Variants in NTRK3 observed in about 807,000 individuals in gnomAD.
NTRK3 encodes NT-3 growth factor receptor.
Under a neutral mutation model 91.7 loss-of-function variants are expected in NTRK3, and 24 were observed. The ratio of observed to expected loss-of-function variants is 0.26; its 90% CI spans 0.19 to 0.37. The LOEUF is 0.37. Ranked by LOEUF, NTRK3 falls within the 10% of genes least tolerant of loss-of-function variation. The pLI is 1.00. For synonymous variants in NTRK3, 483 were observed against 404.0 expected (o/e 1.20, Z -2.34); for missense variants, 880 against 1,068.9 (o/e 0.82, Z 2.46).
At position 88,072,112 on chromosome 15, in the gene NTRK3, TCTC is replaced by T. The variant is rs200758549; in HGVS notation, c.1397-39070_1397-39068del. Among the ~76,000 whole-genome samples the T allele has an allele frequency of 6.4e-3, 965 of 151,624 alleles. 12 individuals are homozygous for T. Among genetic ancestry groups the T allele is most frequent in the African/African-American group, 0.022 (912 of 41,268 alleles). ...CCTCCGCCTCCCGGGTTCAAGGAAT[TCTC>T]CTGCCTCAGCCTCCTGAGTAGCTGG... On this transcript the variant is annotated intron_variant, in intron 13 of 18. Coordinates refer to ENST00000394480, the Ensembl canonical transcript of NTRK3.
At chr15:88,210,886 G>T (rs1323572662) in intron 3 of NTRK3, among the ~76,000 whole-genome samples, 4 of 152,132 alleles carry the variant, frequency 2.6e-5, no homozygotes, top group Non-Finnish European at 5.9e-5. Flanking sequence ...ACAGAGCAGT[G>T]AGCAGGGAGG....
intron 5 of NTRK3, among the ~76,000 whole-genome samples, chr15:88,156,777 C>G (rs901723855): frequency 6.6e-6 from 1 of 152,196 alleles, no homozygotes; most frequent in Admixed American, 6.5e-5. Flanking sequence ...GGCCTCCCAC[C>G]AGGTTGCTTT....
chr15:87,911,132 T>C (rs955167169), intron 17 of NTRK3, among the ~76,000 whole-genome samples: 4 of 152,180 alleles, frequency 2.6e-5, no homozygotes, highest in Non-Finnish European at 5.9e-5. Context: ...ATAAACACAG[T>C]CACAGGGAGA....
intron 5 of NTRK3, 88 bp from the exon 6 acceptor site, chr15:88,147,491 C>G (rs2042990209): frequency 9.1e-7 from 1 of 1,101,000 alleles, no homozygotes; most frequent in African/African-American, 1.6e-5. Context: ...TTCACTGGAG[C>G]CTGGCTTTGT....
intron 4 of NTRK3, among the ~76,000 whole-genome samples, chr15:88,183,839 A>C (rs908979998): frequency 6.6e-6 from 1 of 152,168 alleles, no homozygotes; most frequent in Non-Finnish European, 1.5e-5. Flanking sequence ...AGGTCCCCAC[A>C]GTCACTAGTA....
At chr15:88,015,918 G>A (rs1195081223) in intron 14 of NTRK3, among the ~76,000 whole-genome samples, 1 of 151,740 alleles carries the variant, frequency 6.6e-6, no homozygotes, top group Admixed American at 6.6e-5. Flanking sequence ...CACGTATTAT[G>A]TAGCCATTAA....
chr15:87,861,217 G>A (rs2064514803), exon 19 of NTRK3: 1 of 218,984 alleles, frequency 4.6e-6, no homozygotes, highest in South Asian at 1.9e-4. Context: ...CATATACTTA[G>A]TACAGAAGCT....
chr15:88,062,004 TAACAA>T (rs1410028457), intron 13 of NTRK3, among the ~76,000 whole-genome samples: 1 of 152,132 alleles, frequency 6.6e-6, no homozygotes, highest in Non-Finnish European at 1.5e-5. Flanking sequence ...AAATAAAAAT[TAACAA>T]AATAAAAAAT....
chr15:88,245,668 T>C (rs1373268817), intron 3 of NTRK3, among the ~76,000 whole-genome samples: 2 of 152,046 alleles, frequency 1.3e-5, no homozygotes, highest in Non-Finnish European at 2.9e-5. Context: ...TTCTGGGGTG[T>C]AGTAATAGGA....
At chr15:87,894,202 C>A (rs1261724580) in intron 17 of NTRK3, among the ~76,000 whole-genome samples, 1 of 152,212 alleles carries the variant, frequency 6.6e-6, no homozygotes, top group Non-Finnish European at 1.5e-5. Context: ...TGGCCTGTTC[C>A]ACCTTGCTTG....
At chr15:87,922,512 A>G (rs1179137352) in intron 17 of NTRK3, among the ~76,000 whole-genome samples, 1 of 152,202 alleles carries the variant, frequency 6.6e-6, no homozygotes, top group Non-Finnish European at 1.5e-5. Context: ...AGTAAAGTCA[A>G]TGGGCCATAA....
intron 17 of NTRK3, among the ~76,000 whole-genome samples, chr15:87,910,153 T>C (rs1461265987): frequency 6.6e-6 from 1 of 152,168 alleles, no homozygotes; most frequent in Non-Finnish European, 1.5e-5. Context: ...AAGAAATTTA[T>C]ATTTTGGTGA....
chr15:87,990,324 T>G (rs1355985987), intron 14 of NTRK3, among the ~76,000 whole-genome samples: 1 of 152,202 alleles, frequency 6.6e-6, no homozygotes, highest in African/African-American at 2.4e-5. Context: ...TCTGATCCTC[T>G]GACAATGTGG....
intron 14 of NTRK3, among the ~76,000 whole-genome samples, chr15:88,010,380 C>G (rs1052550116): frequency 2.0e-5 from 3 of 152,148 alleles, no homozygotes; most frequent in Non-Finnish European, 4.4e-5. Context: ...TGGGTGAATT[C>G]ATTCTCAAGG....
At chr15:87,962,606 C>T (rs180883242) in intron 14 of NTRK3, among the ~76,000 whole-genome samples, 19 of 152,340 alleles carry the variant, frequency 1.2e-4, no homozygotes, top group Non-Finnish European at 1.5e-5. Context: ...GTTGACTTCT[C>T]TCCAGTTTGT....
intron 13 of NTRK3, among the ~76,000 whole-genome samples, chr15:88,110,397 C>A (rs1389345299): frequency 6.6e-6 from 1 of 152,116 alleles, no homozygotes; most frequent in African/African-American, 2.4e-5. Context: ...CCCAGAATAT[C>A]CCTGCCTCCA....
At chr15:88,073,769 G>A (rs1176652025) in intron 13 of NTRK3, among the ~76,000 whole-genome samples, 3 of 151,368 alleles carry the variant, frequency 2.0e-5, no homozygotes, top group Non-Finnish European at 4.4e-5. Flanking sequence ...GGTCCAGAGT[G>A]CTGCAACACC....
chr15:87,947,716 G>A (rs2070709751), intron 14 of NTRK3, among the ~76,000 whole-genome samples: 1 of 152,148 alleles, frequency 6.6e-6, no homozygotes, highest in South Asian at 2.1e-4. Flanking sequence ...AAAACAGGGA[G>A]AGGAAGGGAG....
chr15:88,137,323 C>A (rs2041969460), intron 7 of NTRK3, 81 bp downstream of exon 7: 1 of 1,554,512 alleles, frequency 6.4e-7, no homozygotes, highest in African/African-American at 1.4e-5. Flanking sequence ...CTCTGGCATC[C>A]CAAGGTAACG....
Sources: gnomAD v4.1 joint callset for allele counts (sites outside exome capture counted in the v4.1 genomes callset) on GRCh38, gnomAD v4.1.1 for gene constraint, MANE v1.5 for transcripts, NCBI Gene and HGNC (gene_info 2026-07-23, HGNC 2026-07-21) for gene names.